ATP11A: variants seen among roughly 807,000 people sequenced by gnomAD.
The protein encoded by ATP11A is phospholipid-transporting ATPase IH.
In ATP11A, 81 loss-of-function variants were observed where a neutral mutation model predicts 154.4. The observed-to-expected ratio is 0.52, with a 90% CI of 0.44 to 0.63. ATP11A has a LOEUF of 0.63. ATP11A is among the 30% of genes least tolerant of loss of function. ATP11A has a pLI of 0.00. For synonymous variants in ATP11A, 623 were observed against 585.9 expected (o/e 1.06, Z -0.91); for missense variants, 1,316 against 1,474.3 (o/e 0.89, Z 1.76).
intron 1 of ATP11A, among the ~76,000 whole-genome samples, chr13:112,751,980 T>C (rs1002530832): frequency 3.3e-5 from 5 of 152,270 alleles, no homozygotes; most frequent in African/African-American, 1.2e-4. Flanking sequence ...TAAATAACGA[T>C]GTGGCTAAGT....
chr13:112,845,624 ACCAGT>A (rs1191553176), intron 17 of ATP11A, among the ~76,000 whole-genome samples: 1 of 118,136 alleles, frequency 8.5e-6, no homozygotes, highest in Non-Finnish European at 1.7e-5. Flanking sequence ...AGCGGTACTA[ACCAGT>A]CCAGTTGCCA....
At chr13:112,813,677 C>T (rs2078565790) in intron 5 of ATP11A, among the ~76,000 whole-genome samples, 1 of 152,120 alleles carries the variant, frequency 6.6e-6, no homozygotes, top group Admixed American at 6.6e-5. Flanking sequence ...TTGAAAGGAA[C>T]TGCCAAATGG....
intron 17 of ATP11A, among the ~76,000 whole-genome samples, chr13:112,848,709 CAG>C (rs1408980749): frequency 2.6e-5 from 4 of 152,182 alleles, no homozygotes; most frequent in South Asian, 4.1e-4. Flanking sequence ...TTTTTTGAGA[CAG>C]AGTTTTGCTC....
Position 112,851,158 on chromosome 13 carries a change from A to G in ATP11A, c.1931A>G (p.Glu644Gly). Reference sequence around the variant, plus strand: ...CAAGATCGAGAGAAAAAGTTAGCAGAAGCCTATGAGCAAATAGAGAAAGAT... The same window carrying G: ...CAAGATCGAGAGAAAAAGTTAGCAGGAGCCTATGAGCAAATAGAGAAAGAT... Reference protein sequence around the residue: ...ALQDREKKLAEAYEQIEKDLT... With the variant: ...ALQDREKKLAGAYEQIEKDLT... Residue 644 changes from glutamate to glycine, a missense_variant, in exon 18 of 30, where the codon GAA (glutamate) becomes GGA (glycine). Coordinates refer to ENST00000375645, the MANE Select transcript of ATP11A (RefSeq NM_015205.3). The G allele has an allele frequency of 6.2e-7, 1 of 1,614,220 alleles. No individual in the cohort carries two copies. The highest frequency in any genetic ancestry group is 8.5e-7 in the Non-Finnish European group (1 of 1,180,038).
intron 20 of ATP11A, chr13:112,856,776 A>G (rs968655273): frequency 2.0e-5 from 3 of 152,234 alleles, no homozygotes; most frequent in African/African-American, 4.8e-5. Context: ...TGAACTGTTC[A>G]TGAATAAATC....
chr13:112,710,786 A>G (rs1887639897), intron 1 of ATP11A, among the ~76,000 whole-genome samples: 1 of 138,516 alleles, frequency 7.2e-6, no homozygotes, highest in Admixed American at 6.8e-5. Context: ...TTTAAAAATC[A>G]TAACAGGGCA....
intron 1 of ATP11A, among the ~76,000 whole-genome samples, chr13:112,713,806 A>C (rs1462273999): frequency 6.6e-6 from 1 of 152,120 alleles, no homozygotes; most frequent in East Asian, 1.9e-4. Context: ...AAAAAGGCCG[A>C]GGATGCTGTC....
intron 1 of ATP11A, among the ~76,000 whole-genome samples, chr13:112,778,200 G>A (rs1047547827): frequency 6.6e-6 from 1 of 152,216 alleles, no homozygotes; most frequent in African/African-American, 2.4e-5. Context: ...AAAGCTCACC[G>A]GAGGCCCCAA....
Position 112,882,030 on chromosome 13 carries a change from G to T in ATP11A, c.*164G>T. ...CACTGCAGTTCCATCCCAAGTCACAGCTGCCCTAGGTCCCGTGTGGGAATG... is the reference window on the plus strand; with the variant it reads ...CACTGCAGTTCCATCCCAAGTCACATCTGCCCTAGGTCCCGTGTGGGAATG... On this transcript the variant is annotated 3_prime_UTR_variant, in exon 30 of 30. Transcript: ENST00000375645. This position sits in a 1 kb window ranked among gnomAD's most constrained non-coding sequence, Gnocchi z 5.1. 2 of 1,367,786 alleles carry T rather than the reference G, an allele frequency of 1.5e-6. No homozygotes were observed. Among genetic ancestry groups the T allele is most frequent in the Non-Finnish European group, 2.0e-6 (2 of 1,021,974 alleles). 84.7% of individuals were successfully genotyped at this position (1,367,786 alleles called of 1,614,324 possible).
intron 26 of ATP11A, among the ~76,000 whole-genome samples, chr13:112,872,786 T>C: frequency 6.6e-6 from 1 of 152,252 alleles, no homozygotes; most frequent in Non-Finnish European, 1.5e-5. Context: ...CCCCACATTC[T>C]TCCTCTCCAC....
chr13:112,826,944 G>C (rs904327003), intron 12 of ATP11A, 53 bp downstream of exon 12: 1 of 1,586,486 alleles, frequency 6.3e-7, no homozygotes, highest in Non-Finnish European at 8.6e-7. Flanking sequence ...GGGTGAGTCT[G>C]CTTCACGTTC....
chr13:112,816,636 C>T (rs369104107), intron 6 of ATP11A, among the ~76,000 whole-genome samples: 49 of 152,162 alleles, frequency 3.2e-4, no homozygotes, highest in African/African-American at 9.4e-4. Flanking sequence ...GAGCCCAGCA[C>T]GCTCTTGTCC....
At chr13:112,865,228 C>T (rs1358359624) in intron 25 of ATP11A, among the ~76,000 whole-genome samples, 2 of 136,974 alleles carry the variant, frequency 1.5e-5, no homozygotes, top group South Asian at 2.4e-4. Flanking sequence ...AGCTTCCCAG[C>T]GGGATCCATC....
rs1397221964 is a variant in ATP11A, at chr13:112,885,585, C to G, written c.*3719C>G. 1 of 73,200 alleles carries G rather than the reference C, an allele frequency of 1.4e-5. No individual in the cohort carries two copies. The highest frequency in any genetic ancestry group is 6.2e-4 in the South Asian group (1 of 1,616). 4.5% of individuals were successfully genotyped at this position (73,200 alleles called of 1,614,324 possible). A position where few individuals can be genotyped will look rare whatever the true frequency, so the allele number is the denominator to read the frequency against. On this transcript the variant is annotated 3_prime_UTR_variant, in exon 30 of 30. Coordinates refer to ENST00000375645, the MANE Select transcript of ATP11A (RefSeq NM_015205.3). ...CTCCCAGACATGTAAACACACGTCT[C>G]CCACACGTGAGCTCCCACACGTACA...
intron 3 of ATP11A, 36 bp from the exon 4 acceptor site, chr13:112,806,177 T>C (rs1338470258): frequency 6.4e-7 from 1 of 1,554,826 alleles, no homozygotes. Flanking sequence ...TCATTTGTGT[T>C]TTTGAAGATG....
Position 112,881,883 on chromosome 13 carries a change from G to C in ATP11A, c.*17G>C, listed in dbSNP as rs961973550. The C allele has an allele frequency of 2.2e-6, 3 of 1,367,626 alleles. No homozygotes were observed. The highest frequency in any genetic ancestry group is 2.3e-5 in the South Asian group (2 of 88,036). The allele number at this position is 1,367,626 out of a possible 1,614,324, so 84.7% of individuals were successfully genotyped here. A position where few individuals can be genotyped will look rare whatever the true frequency, so the allele number is the denominator to read the frequency against. ...CCTCTTGCCTCTCTGCAGAGCCCAG[G>C]CTACCAGAGCACCTGTCCCTCGGCC... On this transcript the variant is annotated 3_prime_UTR_variant, in exon 30 of 30. Transcript: ENST00000375645.
chr13:112,880,653 A>ACTG (rs2080857623), intron 29 of ATP11A: 1 of 1,290,882 alleles, frequency 7.7e-7, no homozygotes, highest in East Asian at 5.6e-5. Context: ...ACGCTAGGTA[A>ACTG]CTGTGCGGCT....
Position 112,842,287 on chromosome 13 carries a change from C to T in ATP11A, c.1717C>T (p.Leu573=), listed in dbSNP as rs779335965. The T allele has an allele frequency of 1.2e-6, 2 of 1,609,294 alleles. No individual in the cohort carries two copies. Among genetic ancestry groups the T allele is most frequent in the Non-Finnish European group, 1.7e-6 (2 of 1,177,350 alleles). Residue 573 remains leucine (L), a synonymous_variant, in exon 17 of 30, where the codon CTG becomes TTG. Coordinates refer to ENST00000375645, the MANE Select transcript of ATP11A (RefSeq NM_015205.3). ...TTCTCATTTTGTAGGAGAAATTTAT[C>T]TGTTTTGCAAAGGAGCAGATTCTTC... ...IVKSATGEIY[L]FCKGADSSIF...
intron 1 of ATP11A, among the ~76,000 whole-genome samples, chr13:112,777,392 A>G (rs1036950316): frequency 2.0e-5 from 3 of 152,122 alleles, no homozygotes; most frequent in Admixed American, 6.6e-5. Flanking sequence ...GGTGAAACCC[A>G]GTCTCTACTA....
Sources: allele counts gnomAD v4.1 joint callset (sites outside exome capture counted in the v4.1 genomes callset), GRCh38; gene constraint gnomAD v4.1.1; non-coding constraint Gnocchi (gnomAD v3.1); transcripts MANE v1.5; gene names NCBI Gene and HGNC (gene_info 2026-07-23, HGNC 2026-07-21).